The following ARHGAP32 variants were observed in gnomAD, a reference collection of about 807,000 sequenced individuals.
The protein encoded by ARHGAP32 is Rho GTPase activating protein 32, also known as rho GTPase-activating protein 32.
Under a neutral mutation model 186.5 loss-of-function variants are expected in ARHGAP32, and 51 were observed. That is an observed-to-expected ratio of 0.27 (90% CI 0.22 to 0.35). The LOEUF (loss-of-function observed/expected upper bound fraction) is 0.35, where lower values mean the gene tolerates loss of function less well. Among genes scored for constraint, ARHGAP32 ranks in the 10% least tolerant of loss-of-function variants. The probability of loss-of-function intolerance (pLI) is 1.00; values close to 1 mark genes in which losing one functional copy is unlikely to be tolerated. For synonymous variants in ARHGAP32, 950 were observed against 964.3 expected (o/e 0.99, Z 0.27); for missense variants, 2,186 against 2,623.5 (o/e 0.83, Z 3.64).
At chr11:129,269,631 G>A (rs1481489339) in intron 1 of ARHGAP32, among the ~76,000 whole-genome samples, 5 of 152,060 alleles carry the variant, frequency 3.3e-5, no homozygotes, top group Non-Finnish European at 1.5e-5. Flanking sequence ...GAAGGCTGAC[G>A]TAGGAGGATC....
rs776224908 is a variant in ARHGAP32 at position 128,970,242 on chromosome 11, A to G, written c.4971T>C (p.Asn1657=). The G allele has an allele frequency of 6.2e-7, 1 of 1,614,208 alleles. No homozygotes were observed. The highest frequency in any genetic ancestry group is 8.5e-7 in the Non-Finnish European group (1 of 1,180,028). Residue 1657 remains asparagine (N), a synonymous_variant, in exon 23 of 23, where the codon AAT becomes AAC. Transcript: ENST00000682385. The surrounding 1 kb of genome is among the most constrained non-coding windows in gnomAD (Gnocchi z 5.8). ...HVTQLQPYFE[N]GRVHYRYSPY... ...GGCTATACCTGTAGTGGACCCGGCC[A>G]TTCTCAAAGTAAGGCTGAAGCTGAG...
intron 5 of ARHGAP32, among the ~76,000 whole-genome samples, chr11:129,119,059 C>T (rs1254150072): frequency 6.6e-6 from 1 of 152,046 alleles, no homozygotes; most frequent in African/African-American, 2.4e-5. Flanking sequence ...CATGGTACAA[C>T]CTATCCTCCC....
chr11:129,274,365 T>G (rs929402321), intron 1 of ARHGAP32, among the ~76,000 whole-genome samples: 2 of 152,188 alleles, frequency 1.3e-5, no homozygotes, highest in Non-Finnish European at 2.9e-5. Context: ...GGTGCTATAA[T>G]CAGAACACCT....
rs967831953 is a variant in ARHGAP32 at position 128,973,554 on chromosome 11, A to G, written c.3074-122T>C. On this transcript the variant is annotated intron_variant, in intron 21 of 22. Transcript: ENST00000682385. ...GGTGCCTTCCATATTTCAAAATGGC[A>G]ATCCATGATCTTCTATCCCACATGC... is the stretch of plus-strand genomic sequence containing the variant. 1.6e-4 allele frequency: 166 copies of G among 1,064,598 alleles called. No homozygotes were observed. In the Admixed American group the frequency reaches 4.2e-3, roughly 27 times the overall value. 65.9% of individuals were successfully genotyped at this position (1,064,598 alleles called of 1,614,324 possible). A position where few individuals can be genotyped will look rare whatever the true frequency, so the allele number is the denominator to read the frequency against.
In ARHGAP32 at chr11:128,969,914, G is replaced by T; in HGVS notation, c.5299C>A (p.Gln1767Lys). ...GCACGGCTCTCTCTCCGGATGGACT[G>T]CATGCGGTATTTTTCCATGTCCTCA... ...DLEDMEKYRM[Q>K]SIRRESRARQ... Residue 1767 changes from glutamine to lysine, a missense_variant, in exon 23 of 23, where the codon CAG (glutamine) becomes AAG (lysine). Coordinates refer to ENST00000682385, the MANE Select transcript of ARHGAP32 (RefSeq NM_001378024.1). This position sits in a 1 kb window ranked among gnomAD's most constrained non-coding sequence, Gnocchi z 4.8. 6.2e-7 allele frequency: 1 copy of T among 1,614,182 alleles called. No individual in the cohort carries two copies. The highest frequency in any genetic ancestry group is 1.3e-5 in the African/African-American group (1 of 75,036).
intron 6 of ARHGAP32, among the ~76,000 whole-genome samples, chr11:129,079,929 A>AT (rs577971348): frequency 0.012 from 1,772 of 152,342 alleles, 33 homozygotes; most frequent in African/African-American, 0.04. Context: ...GCAAAGGGAC[A>AT]CCAAAAGTGA....
intron 5 of ARHGAP32, among the ~76,000 whole-genome samples, chr11:129,114,086 A>T (rs772344534): frequency 2.6e-5 from 4 of 152,090 alleles, no homozygotes; most frequent in Non-Finnish European, 4.4e-5. Flanking sequence ...CATCTGGATA[A>T]TTACAACAGT....
chr11:129,107,344 G>A (rs1942076631), intron 5 of ARHGAP32, among the ~76,000 whole-genome samples: 1 of 152,042 alleles, frequency 6.6e-6, no homozygotes, highest in African/African-American at 2.4e-5. Context: ...TGATATAAAA[G>A]GACACTAGAC....
At chr11:129,027,707 T>A (rs1200256301) in intron 11 of ARHGAP32, among the ~76,000 whole-genome samples, 4 of 152,328 alleles carry the variant, frequency 2.6e-5, no homozygotes, top group South Asian at 2.1e-4. Context: ...TAACCCCACA[T>A]AAGCCACTTC....
At chr11:129,212,080 G>A (rs1944588383) in intron 1 of ARHGAP32, among the ~76,000 whole-genome samples, 1 of 152,060 alleles carries the variant, frequency 6.6e-6, no homozygotes, top group Admixed American at 6.6e-5. Flanking sequence ...GCTTGTGCCT[G>A]GAAGGTCAAA....
At chr11:129,153,420 T>C (rs1363085648) in intron 2 of ARHGAP32, among the ~76,000 whole-genome samples, 1 of 151,966 alleles carries the variant, frequency 6.6e-6, no homozygotes, top group Non-Finnish European at 1.5e-5. Flanking sequence ...AGAGCCCACA[T>C]AGACAAAGAA....
intron 22 of ARHGAP32, 90 bp from the exon 23 acceptor site, chr11:128,971,249 G>T: frequency 1.7e-6 from 2 of 1,179,052 alleles, no homozygotes; most frequent in Non-Finnish European, 2.4e-6. Context: ...ATTAAGGCTG[G>T]TTGGGTAGCA....
intron 6 of ARHGAP32, among the ~76,000 whole-genome samples, chr11:129,081,237 A>C (rs898460752): frequency 1.8e-4 from 28 of 152,172 alleles, no homozygotes; most frequent in Admixed American, 1.8e-3. Context: ...ATAGAGAAAG[A>C]GGGAATCTTC....
intron 2 of ARHGAP32, among the ~76,000 whole-genome samples, chr11:129,139,696 A>G (rs1943009184): frequency 6.6e-6 from 1 of 152,168 alleles, no homozygotes; most frequent in Non-Finnish European, 1.5e-5. Context: ...ATGTTAAGAC[A>G]TGACTTGCTC....
At chr11:129,121,793 A>G (rs1378755742) in intron 5 of ARHGAP32, among the ~76,000 whole-genome samples, 1 of 152,022 alleles carries the variant, frequency 6.6e-6, no homozygotes, top group African/African-American at 2.4e-5. Flanking sequence ...GTAAAAGTCT[A>G]CCAAATGTGT....
chr11:129,249,725 G>T (rs1945153456), intron 1 of ARHGAP32, among the ~76,000 whole-genome samples: 1 of 151,598 alleles, frequency 6.6e-6, no homozygotes, highest in South Asian at 2.1e-4. Context: ...GAAACAAATG[G>T]AATAACAGAA....
chr11:129,065,455 C>T (rs1278795020), intron 7 of ARHGAP32, among the ~76,000 whole-genome samples: 1 of 152,072 alleles, frequency 6.6e-6, no homozygotes, highest in Non-Finnish European at 1.5e-5. Flanking sequence ...CAGATTCTAG[C>T]TCAGTCTGGC....
chr11:129,040,100 T>C (rs1328870845), intron 11 of ARHGAP32, among the ~76,000 whole-genome samples: 1 of 151,706 alleles, frequency 6.6e-6, no homozygotes, highest in Non-Finnish European at 1.5e-5. Context: ...AGTGGGAAAA[T>C]ACCAAAAGAG....
chr11:129,037,855 C>G (rs919990161), intron 11 of ARHGAP32, among the ~76,000 whole-genome samples: 1 of 151,916 alleles, frequency 6.6e-6, no homozygotes, highest in East Asian at 1.9e-4. Context: ...GTAATCCCAG[C>G]ACTTTGGGAG....
Sources: gnomAD v4.1 joint callset for allele counts (sites outside exome capture counted in the v4.1 genomes callset) on GRCh38, gnomAD v4.1.1 for gene constraint, Gnocchi (gnomAD v3.1) non-coding constraint, MANE v1.5 for transcripts, NCBI Gene and HGNC (gene_info 2026-07-23, HGNC 2026-07-21) for gene names.